SLC16A1: variants seen among roughly 807,000 people sequenced by gnomAD.
The protein encoded by SLC16A1 is monocarboxylate transporter 1.
In SLC16A1, 11 loss-of-function variants were observed where a neutral mutation model predicts 32.2. The ratio of observed to expected loss-of-function variants is 0.34; its 90% CI spans 0.21 to 0.56. SLC16A1 has a LOEUF of 0.56. Ranked by LOEUF, SLC16A1 falls within the 20% of genes least tolerant of loss-of-function variation. The pLI, the probability that SLC16A1 is intolerant of heterozygous loss-of-function variation, is 0.87. For synonymous variants in SLC16A1, 231 were observed against 226.8 expected, an observed-to-expected ratio of 1.02 and a Z score of -0.17; for missense variants, 435 against 615.0, an observed-to-expected ratio of 0.71 and a Z score of 3.10.
chr1:112,916,147 T>G (rs538145551), intron 4 of SLC16A1, among the ~76,000 whole-genome samples: 14 of 151,652 alleles, frequency 9.2e-5, no homozygotes, highest in African/African-American at 2.9e-4. Flanking sequence ...GTAGCTATTA[T>G]TATACTACTG....
intron 1 of SLC16A1, chr1:112,955,826 A>G (rs41283090): frequency 6.6e-6 from 1 of 151,892 alleles, no homozygotes; most frequent in Non-Finnish European, 1.5e-5. Context: ...CGGCTAAGAG[A>G]GGCGCTGACC....
At chr1:112,955,405 G>C (rs890122598) in intron 1 of SLC16A1, 9 of 152,246 alleles carry the variant, frequency 5.9e-5, no homozygotes, top group African/African-American at 2.2e-4. Context: ...GAATGACAAA[G>C]AGCCCCCGTC....
At chr1:112,935,410 A>C (rs537401029) in intron 1 of SLC16A1, among the ~76,000 whole-genome samples, 48 of 152,300 alleles carry the variant, frequency 3.2e-4, no homozygotes, top group African/African-American at 1.1e-3. Flanking sequence ...TCCGCTTCAA[A>C]AAAAAAAGTA....
chr1:112,919,966 T>C (rs1348811535), intron 3 of SLC16A1, among the ~76,000 whole-genome samples: 1 of 152,200 alleles, frequency 6.6e-6, no homozygotes, highest in Non-Finnish European at 1.5e-5. Context: ...GTACTGTTTG[T>C]CTCCTCCTAT....
In SLC16A1 at chr1:112,929,223, G is replaced by C. The variant is rs773937509; in HGVS notation, c.86C>G (p.Ser29Cys). 6.2e-7 allele frequency: 1 copy of C among 1,614,106 alleles called. No homozygotes were observed. The highest frequency in any genetic ancestry group is 1.1e-5 in the South Asian group (1 of 91,072). The change falls in exon 2 of 5, where the codon TCC (serine) becomes TGC (cysteine). Residue 29 changes from serine (S) to cysteine (C), a missense_variant. Ser to Cys is a moderately radical substitution (Grantham distance 112, BLOSUM62 -1). Around this residue, in one of 2 missense-constraint regions of SLC16A1, gnomAD observed 324 missense variants for 500.3 expected, o/e 0.65. Transcript: ENST00000369626. ...GGGAAATGCATAAGAGAAGCCGATG[G>C]AAATGAAAGCTCCAATTACCACTGC... ...GWAVVIGAFISIGFSYAFPKS... is the reference protein window; with the variant it reads ...GWAVVIGAFICIGFSYAFPKS...
chr1:112,923,874 A>C (rs1570625892), intron 2 of SLC16A1: 2 of 1,517,482 alleles, frequency 1.3e-6, no homozygotes, highest in Non-Finnish European at 9.1e-7. Flanking sequence ...CAACGCCACC[A>C]CCCAGCAGGT....
chr1:112,920,808 G>A (rs1352279238), intron 3 of SLC16A1, among the ~76,000 whole-genome samples: 1 of 151,878 alleles, frequency 6.6e-6, no homozygotes, highest in Non-Finnish European at 1.5e-5. Context: ...GAAAAACATT[G>A]GAAAAGACTG....
intron 1 of SLC16A1, among the ~76,000 whole-genome samples, chr1:112,954,904 A>T (rs1650020484): frequency 6.6e-6 from 1 of 152,164 alleles, no homozygotes; most frequent in Non-Finnish European, 1.5e-5. Context: ...ACTATTTAAC[A>T]CCTAACTAAA....
chr1:112,918,248 T>C (rs1052839832), intron 3 of SLC16A1, among the ~76,000 whole-genome samples: 4 of 152,298 alleles, frequency 2.6e-5, no homozygotes, highest in East Asian at 1.9e-4. Context: ...ATCTCAGACA[T>C]GTATACCCTC....
intron 1 of SLC16A1, among the ~76,000 whole-genome samples, chr1:112,936,190 T>C (rs1649297319): frequency 6.8e-6 from 1 of 147,986 alleles, no homozygotes; most frequent in Non-Finnish European, 1.5e-5. Flanking sequence ...GATAACTATC[T>C]CATTTTTATA....
At chr1:112,941,797 T>G (rs970098065) in intron 1 of SLC16A1, among the ~76,000 whole-genome samples, 15 of 152,296 alleles carry the variant, frequency 9.8e-5, no homozygotes, top group African/African-American at 3.4e-4. Flanking sequence ...AAATATAGCA[T>G]GTGCTAAATT....
At chr1:112,922,607 C>CG (rs908938180) in intron 2 of SLC16A1, among the ~76,000 whole-genome samples, 57 of 152,164 alleles carry the variant, frequency 3.7e-4, no homozygotes, top group African/African-American at 1.3e-3. Flanking sequence ...AACCCCGTCT[C>CG]GACTAAAAAT....
At chr1:112,940,986 G>C (rs190033410) in intron 1 of SLC16A1, among the ~76,000 whole-genome samples, 1 of 152,090 alleles carries the variant, frequency 6.6e-6, no homozygotes, top group East Asian at 1.9e-4. Flanking sequence ...CTAAACTTTG[G>C]GTACACATGG....
At chr1:112,932,955 A>G (rs1186910723) in intron 1 of SLC16A1, among the ~76,000 whole-genome samples, 1 of 152,178 alleles carries the variant, frequency 6.6e-6, no homozygotes, top group African/African-American at 2.4e-5. Context: ...AATCAATTGT[A>G]TTTCTATATA....
chr1:112,917,025 G>T lies in SLC16A1; in HGVS notation c.1228+153C>A. 2.1e-6 allele frequency: 2 copies of T among 932,654 alleles called. No individual in the cohort carries two copies. The highest frequency in any genetic ancestry group is 3.4e-6 in the Non-Finnish European group (2 of 595,614). 57.8% of individuals were successfully genotyped at this position (932,654 alleles called of 1,614,324 possible). On this transcript the variant is annotated intron_variant, in intron 4 of 4. Coordinates refer to ENST00000369626, the MANE Select transcript of SLC16A1 (RefSeq NM_003051.4). This position sits in a 1 kb window ranked among gnomAD's most constrained non-coding sequence, Gnocchi z 4.1. Reference sequence around the variant, plus strand: ...TTAGATTCTATATTTGAGCAATTATGCTGTGCCAAGCATTGTCCCAGCATC... The same window carrying T: ...TTAGATTCTATATTTGAGCAATTATTCTGTGCCAAGCATTGTCCCAGCATC...
chr1:112,920,130 T>C (rs1423657242), intron 3 of SLC16A1, among the ~76,000 whole-genome samples: 2 of 151,612 alleles, frequency 1.3e-5, no homozygotes, highest in South Asian at 2.1e-4. Context: ...ACAAATAGAG[T>C]TATATTTCTT....
At chr1:112,924,555 G>A (rs1162835543) in intron 2 of SLC16A1, among the ~76,000 whole-genome samples, 3 of 151,846 alleles carry the variant, frequency 2.0e-5, no homozygotes, top group East Asian at 1.9e-4. Flanking sequence ...ACCTGAGACC[G>A]GGTCATTTAT....
At chr1:112,940,637 T>C (rs1434585245) in intron 1 of SLC16A1, among the ~76,000 whole-genome samples, 3 of 152,156 alleles carry the variant, frequency 2.0e-5, no homozygotes, top group African/African-American at 4.8e-5. Flanking sequence ...CTGATATATA[T>C]GTATACTGGA....
At chr1:112,925,250 G>A (rs1050187720) in intron 2 of SLC16A1, among the ~76,000 whole-genome samples, 1 of 152,148 alleles carries the variant, frequency 6.6e-6, no homozygotes, top group South Asian at 2.1e-4. Context: ...GCTCACTGCA[G>A]ACCCAACCTC....
Sources: gnomAD v4.1 joint callset for allele counts (sites outside exome capture counted in the v4.1 genomes callset) on GRCh38, gnomAD v4.1.1 for gene constraint, gnomAD v4.1.1 regional missense constraint, Gnocchi (gnomAD v3.1) non-coding constraint, MANE v1.5 for transcripts, NCBI Gene and HGNC (gene_info 2026-07-23, HGNC 2026-07-21) for gene names.